The following PSMG2 variants were observed in gnomAD, a reference collection of about 807,000 sequenced individuals.
PSMG2 encodes CD40 ligand-activated specific transcript 3.
PSMG2 carries 21 observed loss-of-function variants against 31.5 expected under a neutral mutation model. The observed-to-expected ratio is 0.67, with a 90% CI of 0.47 to 0.96. The LOEUF is 0.96. Ranked by LOEUF, PSMG2 falls within the 40% of genes least tolerant of loss-of-function variation. The pLI, the probability that PSMG2 is intolerant of heterozygous loss-of-function variation, is 0.00. For synonymous variants in PSMG2, 120 were observed against 110.4 expected (o/e 1.09, Z -0.54); for missense variants, 318 against 321.2 (o/e 0.99, Z 0.08).
At chr18:12,706,416 G>A in intron 1 of PSMG2, 134 bp from the exon 2 acceptor site, 1 of 839,594 alleles carries the variant, frequency 1.2e-6, no homozygotes, top group South Asian at 1.6e-5. Flanking sequence ...CAAGCCAGGA[G>A]GCAGAGGCTG....
upstream of PSMG2, chr18:12,702,297 GT>G: frequency 1.8e-6 from 1 of 552,206 alleles, no homozygotes; most frequent in Non-Finnish European, 3.2e-6. Context: ...TGCTCGGCTC[GT>G]TTTCTTTCTC....
At chr18:12,712,863 T>G in intron 3 of PSMG2, 103 bp downstream of exon 3, 1 of 832,322 alleles carries the variant, frequency 1.2e-6, no homozygotes, top group South Asian at 1.7e-5. Context: ...TTACCATATG[T>G]ACAGTTAAGA....
intron 1 of PSMG2, 44 bp from the exon 2 acceptor site, chr18:12,706,506 T>C: frequency 1.3e-6 from 2 of 1,591,994 alleles, no homozygotes; most frequent in Non-Finnish European, 1.7e-6. Context: ...AATAAAGTGC[T>C]GCTAATTTTG....
chr18:12,682,240 A>G (rs968520658), intron 1 of PSMG2, among the ~76,000 whole-genome samples: 1 of 150,192 alleles, frequency 6.7e-6, no homozygotes, highest in Non-Finnish European at 1.5e-5. Flanking sequence ...TCTCAGCTCA[A>G]TGCTGCCTTG....
intron 1 of PSMG2, chr18:12,691,279 A>C (rs542307328): frequency 1.1e-6 from 1 of 897,804 alleles, no homozygotes; most frequent in South Asian, 2.5e-5. Flanking sequence ...CATTTTACAA[A>C]TAAATATTAA....
At chr18:12,695,569 CT>C (rs2039923557) in intron 1 of PSMG2, among the ~76,000 whole-genome samples, 1 of 151,932 alleles carries the variant, frequency 6.6e-6, no homozygotes, top group Non-Finnish European at 1.5e-5. Context: ...TCTTAGCTTT[CT>C]GACACTCTTT....
At chr18:12,718,786 G>C (rs988392574) in intron 4 of PSMG2, 151 bp downstream of exon 4, 5 of 519,938 alleles carry the variant, frequency 9.6e-6, no homozygotes, top group Admixed American at 6.6e-5. Flanking sequence ...CAGGAGATGG[G>C]AGGGAGTACA....
intron 1 of PSMG2, among the ~76,000 whole-genome samples, chr18:12,682,028 T>C (rs1341626918): frequency 1.3e-5 from 2 of 151,770 alleles, no homozygotes; most frequent in African/African-American, 4.8e-5. Context: ...AAAGAAAATA[T>C]CTGATACTGT....
chr18:12,692,944 T>G (rs1568027667), intron 1 of PSMG2, among the ~76,000 whole-genome samples: 1 of 152,132 alleles, frequency 6.6e-6, no homozygotes, highest in Non-Finnish European at 1.5e-5. Context: ...CACCTCAGCC[T>G]CCCCAGTAGC....
rs2039580051 is a variant in PSMG2, at chr18:12,687,462, T to C, written c.-36-19088T>C. On this transcript the variant is annotated intron_variant, in intron 1 of 6. Coordinates refer to the PSMG2 transcript ENST00000585331. ...AACTATAGAAGGCATCAATTTTTTT[T>C]TTTTTTTTTTTGAGACAGAGTCTCG... 2.6e-5 allele frequency among the ~76,000 whole-genome samples: 4 copies of C among 151,466 alleles called. No homozygotes were observed. The South Asian group carries it at 6.3e-4, about 24-fold the overall frequency.
intron 1 of PSMG2, among the ~76,000 whole-genome samples, chr18:12,683,186 C>CAAAAAAAAAAAAAAAAAAAA (rs765652085): frequency 1.3e-4 from 8 of 63,660 alleles, no homozygotes; most frequent in African/African-American, 4.1e-4. Flanking sequence ...CTAAAAATAC[C>CAAAAAAAAAAAAAAAAAAAA]AAAAAAAAAA....
intron 3 of PSMG2, among the ~76,000 whole-genome samples, chr18:12,715,651 G>T (rs145419237): frequency 6.6e-6 from 1 of 152,108 alleles, no homozygotes; most frequent in East Asian, 1.9e-4. Flanking sequence ...GATTACAGGT[G>T]CCCGCCACCA....
chr18:12,721,756 T>G (rs2040433028), intron 5 of PSMG2, among the ~76,000 whole-genome samples: 1 of 152,152 alleles, frequency 6.6e-6, no homozygotes, highest in Non-Finnish European at 1.5e-5. Flanking sequence ...TAATCTTTAT[T>G]TTTTTCCGCT....
At chr18:12,678,016 G>C (rs1408771217) in intron 1 of PSMG2, 21 of 934,058 alleles carry the variant, frequency 2.2e-5, no homozygotes, top group Non-Finnish European at 3.3e-5. Context: ...TTCAGGGCTA[G>C]AATAGTGACT....
Position 12,720,743 on chromosome 18 carries a change from T to C in PSMG2, c.581+60T>C, listed in dbSNP as rs2040423071. On this transcript the variant is annotated intron_variant, in intron 5 of 6. Transcript: ENST00000317615. The stretch of plus-strand genomic sequence containing the variant: ...TTACTTAAAAATGAAATTAATGCAG[T>C]GAGCTGAGATCGTGCCACTGCACTC... 6 of 1,520,842 alleles carry C rather than the reference T, an allele frequency of 3.9e-6. No homozygotes were observed. In the East Asian group the frequency reaches 1.4e-4, roughly 35 times the overall value. The allele number at this position is 1,520,842 out of a possible 1,614,324, so 94.2% of individuals were successfully genotyped here. A position where few individuals can be genotyped will look rare whatever the true frequency, so the allele number is the denominator to read the frequency against.
chr18:12,702,073 C>T (rs1277529714), upstream of PSMG2, among the ~76,000 whole-genome samples: 1 of 152,186 alleles, frequency 6.6e-6, no homozygotes. Flanking sequence ...TTGCAGTGAG[C>T]CGAGATCGTG....
At chr18:12,716,665 A>G (rs1200779890) in intron 3 of PSMG2, among the ~76,000 whole-genome samples, 1 of 152,136 alleles carries the variant, frequency 6.6e-6, no homozygotes, top group Non-Finnish European at 1.5e-5. Flanking sequence ...AAGTGCTGGG[A>G]TTACAGGCGT....
chr18:12,659,620 A>G (rs2038653534), intron 1 of PSMG2, among the ~76,000 whole-genome samples: 1 of 152,194 alleles, frequency 6.6e-6, no homozygotes, highest in Non-Finnish European at 1.5e-5. Flanking sequence ...CAATGAGCCA[A>G]GATCACACCA....
At chr18:12,678,593 A>C in intron 1 of PSMG2, 1 of 583,818 alleles carries the variant, frequency 1.7e-6, no homozygotes, top group South Asian at 2.5e-5. Context: ...CCACAATTTG[A>C]TTACTCTGTA....
Sources: gnomAD v4.1 joint callset for allele counts (sites outside exome capture counted in the v4.1 genomes callset) on GRCh38, gnomAD v4.1.1 for gene constraint, MANE v1.5 for transcripts, NCBI Gene and HGNC (gene_info 2026-07-23, HGNC 2026-07-21) for gene names.